The following THRB variants were observed in gnomAD, a reference collection of about 807,000 sequenced individuals.
The protein encoded by THRB is nuclear receptor subfamily 1 group A member 2.
Under a neutral mutation model 47.8 loss-of-function variants are expected in THRB, and 12 were observed. The ratio of observed to expected loss-of-function variants is 0.25; its 90% confidence interval spans 0.16 to 0.41. The LOEUF is 0.41. Among genes scored for constraint, THRB ranks in the 10% least tolerant of loss-of-function variants. THRB has a pLI of 1.00. For synonymous variants in THRB, 218 were observed against 212.2 expected (o/e 1.03, Z -0.24); for missense variants, 348 against 589.2 (o/e 0.59, Z 4.24).
At chr3:24,201,548 T>C (rs2044600025) in intron 4 of THRB, among the ~76,000 whole-genome samples, 1 of 152,022 alleles carries the variant, frequency 6.6e-6, no homozygotes, top group Non-Finnish European at 1.5e-5. Flanking sequence ...AGGGGCACAG[T>C]CTCCATATAA....
chr3:24,456,947 G>A (rs2073228503), intron 1 of THRB, among the ~76,000 whole-genome samples: 1 of 152,006 alleles, frequency 6.6e-6, no homozygotes, highest in African/African-American at 2.4e-5. Context: ...TAAAACTAGT[G>A]TAAATTGTAA....
chr3:24,211,886 A>G (rs900715355), intron 4 of THRB, among the ~76,000 whole-genome samples: 1 of 152,224 alleles, frequency 6.6e-6, no homozygotes, highest in Non-Finnish European at 1.5e-5. Flanking sequence ...TCCTAGTTCA[A>G]TGGGCTCTGA....
intron 1 of THRB, among the ~76,000 whole-genome samples, chr3:24,357,510 CTCATTAAAACCTTATTTA>C (rs1172033930): frequency 6.6e-6 from 1 of 151,684 alleles, no homozygotes; most frequent in Non-Finnish European, 1.5e-5. Context: ...GTTTGTGACC[CTCATTAAAACCTTATTTA>C]TCTTCCCAGA....
At chr3:24,248,287 C>T (rs1254206496) in intron 3 of THRB, among the ~76,000 whole-genome samples, 1 of 152,040 alleles carries the variant, frequency 6.6e-6, no homozygotes, top group Non-Finnish European at 1.5e-5. Context: ...CATATTGATG[C>T]TGCTGGAGAC....
chr3:24,274,423 CTCTT>C (rs1366224985), intron 3 of THRB, among the ~76,000 whole-genome samples: 10 of 152,214 alleles, frequency 6.6e-5, no homozygotes, highest in African/African-American at 2.2e-4. Flanking sequence ...CATTTGTGTT[CTCTT>C]TCTTTGTGGG....
At chr3:24,385,013 G>T (rs2065985074) in intron 1 of THRB, among the ~76,000 whole-genome samples, 1 of 152,098 alleles carries the variant, frequency 6.6e-6, no homozygotes, top group Admixed American at 6.6e-5. Flanking sequence ...CAAAATTTAA[G>T]TAAAAGTATA....
Position 24,461,716 on chromosome 3 carries a change from C to A in THRB, c.-261+32936G>T, listed in dbSNP as rs535943090. Among the ~76,000 whole-genome samples the A allele has an allele frequency of 2.4e-4, 36 of 152,104 alleles. 1 individual carries two copies. The South Asian group carries it at 7.5e-3, about 32-fold the overall frequency. ...TATTCTCTGGTCTTCTAAGAATTTC[C>A]TAAATTATAAAATGACTATGATGTC... On this transcript the variant is annotated intron_variant, in intron 1 of 10. Coordinates refer to ENST00000646209, the MANE Select transcript of THRB (RefSeq NM_001354712.2).
intron 1 of THRB, among the ~76,000 whole-genome samples, chr3:24,423,081 C>T (rs2069422568): frequency 6.6e-6 from 1 of 151,836 alleles, no homozygotes; most frequent in Admixed American, 6.6e-5. Flanking sequence ...ATGAGAAGCA[C>T]CAGCTCACCA....
chr3:24,353,086 G>C (rs7623427), intron 1 of THRB, among the ~76,000 whole-genome samples: 2,581 of 151,992 alleles, frequency 0.017, 79 homozygotes, highest in African/African-American at 0.057. Flanking sequence ...GAACACAAGA[G>C]TGAATCACAT....
chr3:24,341,756 T>C (rs2062671537), intron 1 of THRB, among the ~76,000 whole-genome samples: 1 of 152,224 alleles, frequency 6.6e-6, no homozygotes, highest in South Asian at 2.1e-4. Flanking sequence ...AAAAAGTTCT[T>C]GCTACATTTA....
At chr3:24,302,893 TGAAC>T (rs2057050861) in intron 2 of THRB, among the ~76,000 whole-genome samples, 1 of 152,238 alleles carries the variant, frequency 6.6e-6, no homozygotes, top group East Asian at 1.9e-4. Context: ...AAATATTTGT[TGAAC>T]GAATGGCTAT....
chr3:24,269,762 G>A (rs936588001), intron 3 of THRB, among the ~76,000 whole-genome samples: 1 of 152,042 alleles, frequency 6.6e-6, no homozygotes, highest in African/African-American at 2.4e-5. Context: ...TAAGGGTAAT[G>A]GCATCAGCTT....
At position 24,135,602 on chromosome 3, in the gene THRB, C is replaced by G. The variant is rs116824202; in HGVS notation, c.739-2140G>C. ...CACATGTACAGCCTCCTTCTACTTC[C>G]CTCTTTCTCACCTAGATTGTGCTAA... On this transcript the variant is annotated intron_variant, in intron 8 of 10. Coordinates refer to ENST00000646209, the MANE Select transcript of THRB (RefSeq NM_001354712.2). Among the ~76,000 whole-genome samples the G allele has an allele frequency of 5.9e-3, 903 of 152,064 alleles. 9 individuals are homozygous for G. Among genetic ancestry groups the G allele is most frequent in the African/African-American group, 0.021 (868 of 41,496 alleles).
chr3:24,264,488 T>C (rs2052435320), intron 3 of THRB, among the ~76,000 whole-genome samples: 1 of 148,854 alleles, frequency 6.7e-6, no homozygotes, highest in African/African-American at 2.5e-5. Context: ...TCTTTATATG[T>C]CTTAAATTAT....
At chr3:24,349,315 C>T (rs998798567) in intron 1 of THRB, among the ~76,000 whole-genome samples, 6 of 151,838 alleles carry the variant, frequency 4.0e-5, no homozygotes, top group Admixed American at 3.9e-4. Flanking sequence ...ATCAAAATCT[C>T]ATAAGTCTTG....
At chr3:24,237,574 C>T (rs2049000091) in intron 3 of THRB, among the ~76,000 whole-genome samples, 1 of 152,090 alleles carries the variant, frequency 6.6e-6, no homozygotes, top group East Asian at 1.9e-4. Flanking sequence ...CACCTCTCTC[C>T]CAGACAAAGT....
intron 1 of THRB, among the ~76,000 whole-genome samples, chr3:24,375,700 C>T (rs1249811279): frequency 6.6e-6 from 1 of 151,840 alleles, no homozygotes; most frequent in African/African-American, 2.4e-5. Context: ...TTCTCAACAT[C>T]ATCACAGCCC....
intron 3 of THRB, among the ~76,000 whole-genome samples, chr3:24,278,794 C>T (rs573312462): frequency 2.1e-3 from 319 of 152,336 alleles, no homozygotes; most frequent in African/African-American, 7.0e-3. Flanking sequence ...CTCAGAACTG[C>T]TCACTGATGA....
intron 4 of THRB, among the ~76,000 whole-genome samples, chr3:24,212,563 G>A (rs2046153696): frequency 3.5e-5 from 3 of 85,264 alleles, no homozygotes; most frequent in Admixed American, 3.8e-4. Flanking sequence ...GGGTGACAAA[G>A]AACGACTCCG....
Sources: allele counts gnomAD v4.1 joint callset (sites outside exome capture counted in the v4.1 genomes callset), GRCh38; gene constraint gnomAD v4.1.1; transcripts MANE v1.5; gene names NCBI Gene and HGNC (gene_info 2026-07-23, HGNC 2026-07-21).